USP3: variants seen among roughly 807,000 people sequenced by gnomAD.
USP3 encodes ubiquitin specific peptidase 3, also known as ubiquitin carboxyl-terminal hydrolase 3.
Under a neutral mutation model 72.3 loss-of-function variants are expected in USP3, and 20 were observed. That is an observed-to-expected ratio of 0.28 (90% confidence interval 0.19 to 0.40). The LOEUF (loss-of-function observed/expected upper bound fraction) is 0.40. Ranked by LOEUF, USP3 falls within the 10% of genes least tolerant of loss-of-function variation. The pLI is 1.00. For missense variants in USP3, 479 were observed against 633.9 expected, an observed-to-expected ratio of 0.76 and a Z score of 2.62; for synonymous variants, 222 against 225.3, an observed-to-expected ratio of 0.99 and a Z score of 0.13.
Position 63,581,642 on chromosome 15 carries a change from G to C in USP3, c.1097-6663G>C, listed in dbSNP as rs565978599. ...AAACTCCTGACCTCATGATCCACCT[G>C]CCTCGGCCTCCCAAAGTGCTGGGAT... is the stretch of plus-strand genomic sequence containing the variant. On this transcript the variant is annotated intron_variant, in intron 11 of 14. Coordinates refer to ENST00000380324, the MANE Select transcript of USP3 (RefSeq NM_006537.4). Among the ~76,000 whole-genome samples the C allele has an allele frequency of 4.3e-5, 6 of 141,072 alleles. No individual in the cohort carries two copies. The South Asian group carries it at 1.3e-3, about 32-fold the overall frequency. 92.5% of individuals were successfully genotyped at this position (141,072 alleles called of 152,430 possible). A position where few individuals can be genotyped will look rare whatever the true frequency, so the allele number is the denominator to read the frequency against.
rs537011068 is a variant in USP3 at position 63,517,390 on chromosome 15, G to A, written c.91+12560G>A. On this transcript the variant is annotated intron_variant, in intron 1 of 14. Coordinates refer to ENST00000380324, the MANE Select transcript of USP3 (RefSeq NM_006537.4). ...AGTATGTTGGTTTTGAAGTTTTGCTGTGCTCCCTGTATGGTTTCTATTTCT... is the reference window on the plus strand; with the variant it reads ...AGTATGTTGGTTTTGAAGTTTTGCTATGCTCCCTGTATGGTTTCTATTTCT... Among the ~76,000 whole-genome samples the A allele has an allele frequency of 3.3e-5, 5 of 152,200 alleles. No homozygotes were observed. The East Asian group carries it at 5.8e-4, about 18-fold the overall frequency.
chr15:63,512,320 CTCT>C (rs1292755784), intron 1 of USP3, among the ~76,000 whole-genome samples: 1 of 120,008 alleles, frequency 8.3e-6, no homozygotes. Flanking sequence ...CTTCTTCTTC[CTCT>C]TCTTCCTCTT....
At chr15:63,506,259 G>C (rs907274747) in intron 1 of USP3, among the ~76,000 whole-genome samples, 1 of 152,080 alleles carries the variant, frequency 6.6e-6, no homozygotes, top group Admixed American at 6.5e-5. Flanking sequence ...AACAAATAAG[G>C]TGTATGGCAC....
chr15:63,582,954 T>TCA (rs1487212091), intron 11 of USP3, among the ~76,000 whole-genome samples: 1 of 152,188 alleles, frequency 6.6e-6, no homozygotes, highest in African/African-American at 2.4e-5. Context: ...ATCTCAGTGC[T>TCA]CCTCAGGGTA....
intron 8 of USP3, among the ~76,000 whole-genome samples, chr15:63,567,565 C>G (rs1038149811): frequency 6.6e-6 from 1 of 152,070 alleles, no homozygotes; most frequent in Non-Finnish European, 1.5e-5. Context: ...CCAGGATGGT[C>G]TCGATCTCCT....
At chr15:63,524,899 G>A (rs1226659812) in intron 1 of USP3, among the ~76,000 whole-genome samples, 3 of 152,144 alleles carry the variant, frequency 2.0e-5, no homozygotes, top group African/African-American at 7.2e-5. Flanking sequence ...GCCCAGATTC[G>A]GAGAATGAGG....
chr15:63,571,033 G>A (rs74018125), intron 9 of USP3, among the ~76,000 whole-genome samples: 2,295 of 152,126 alleles, frequency 0.015, 57 homozygotes, highest in African/African-American at 0.053. Context: ...TAATGAAATC[G>A]AGGCATTTGT....
At chr15:63,543,754 C>T (rs953486175) in intron 3 of USP3, among the ~76,000 whole-genome samples, 13 of 152,098 alleles carry the variant, frequency 8.5e-5, no homozygotes, top group African/African-American at 3.1e-4. Context: ...GCTCATCAAA[C>T]ATATTACAGG....
chr15:63,532,324 A>G (rs2066088576), intron 1 of USP3, among the ~76,000 whole-genome samples: 1 of 152,252 alleles, frequency 6.6e-6, no homozygotes. Context: ...TAATAGGAAA[A>G]TAGACTGTCG....
chr15:63,576,276 C>T (rs920123871), intron 11 of USP3, among the ~76,000 whole-genome samples: 6 of 152,106 alleles, frequency 3.9e-5, no homozygotes, highest in African/African-American at 7.2e-5. Flanking sequence ...CATGAGCCAC[C>T]GCACCCAGCC....
At chr15:63,509,120 G>T (rs932004354) in intron 1 of USP3, among the ~76,000 whole-genome samples, 1 of 152,104 alleles carries the variant, frequency 6.6e-6, no homozygotes, top group Non-Finnish European at 1.5e-5. Flanking sequence ...GGAGTGATGG[G>T]TTATTTTGTA....
chr15:63,563,385 A>G (rs2152674510), intron 8 of USP3, among the ~76,000 whole-genome samples: 1 of 152,368 alleles, frequency 6.6e-6, no homozygotes, highest in South Asian at 2.1e-4. Context: ...TAAGATCAGT[A>G]GAAGTGCATG....
At chr15:63,566,457 T>A (rs113843054) in intron 8 of USP3, among the ~76,000 whole-genome samples, 3,455 of 152,036 alleles carry the variant, frequency 0.023, 128 homozygotes, top group African/African-American at 0.076. Context: ...GGACTACAGG[T>A]GCGTGCCACC....
intron 3 of USP3, among the ~76,000 whole-genome samples, chr15:63,539,111 C>CTT (rs549764225): frequency 6.9e-6 from 1 of 145,102 alleles, no homozygotes. Flanking sequence ...CTCAGGTTTT[C>CTT]TTTTTTTTTT....
chr15:63,508,392 C>T (rs2065740593), intron 1 of USP3, among the ~76,000 whole-genome samples: 1 of 152,078 alleles, frequency 6.6e-6, no homozygotes, highest in African/African-American at 2.4e-5. Context: ...TAGTCCTTTG[C>T]TGCCAAAAAA....
rs2067250894 is a variant in USP3 at position 63,594,090 on chromosome 15, C to T, written c.*3264C>T. The T allele has an allele frequency of 6.6e-6, 1 of 152,430 alleles. No homozygotes were observed. Among genetic ancestry groups the T allele is most frequent in the African/African-American group, 2.4e-5 (1 of 41,458 alleles). The allele number at this position is 152,430 out of a possible 1,614,324, so 9.4% of individuals were successfully genotyped here. ...ATGTGTATCTCGCCTGTGGAACCTACTCAGCAGCTTGGTTTCTGGGGTTGG... is the reference window on the plus strand; with the variant it reads ...ATGTGTATCTCGCCTGTGGAACCTATTCAGCAGCTTGGTTTCTGGGGTTGG... On this transcript the variant is annotated 3_prime_UTR_variant, in exon 15 of 15. Transcript: ENST00000380324.
At chr15:63,573,486 TC>T (rs1278919421) in intron 9 of USP3, among the ~76,000 whole-genome samples, 1 of 152,228 alleles carries the variant, frequency 6.6e-6, no homozygotes, top group African/African-American at 2.4e-5. Flanking sequence ...CGCAGTAATA[TC>T]CAGAATTTTC....
rs2067222567 is a variant in USP3 at position 63,592,473 on chromosome 15, G to GTCTT, written c.*1648_*1651dup. 1 of 144,738 alleles carries GTCTT rather than the reference G, an allele frequency of 6.9e-6. No homozygotes were observed. Among genetic ancestry groups the GTCTT allele is most frequent in the South Asian group, 2.2e-4 (1 of 4,580 alleles). 9.0% of individuals were successfully genotyped at this position (144,738 alleles called of 1,614,324 possible). ...ATTTTTTTTTTTTTTTTTTAATGGA[G>GTCTT]TCTTACTCTGTCCCTCAGGCTGGAG... is the stretch of plus-strand genomic sequence containing the variant. On this transcript the variant is annotated 3_prime_UTR_variant, in exon 15 of 15. Coordinates refer to ENST00000380324, the MANE Select transcript of USP3 (RefSeq NM_006537.4).
chr15:63,539,382 A>G (rs1309516034), intron 3 of USP3, among the ~76,000 whole-genome samples: 1 of 152,212 alleles, frequency 6.6e-6, no homozygotes, highest in Non-Finnish European at 1.5e-5. Flanking sequence ...GCTGTGTGCT[A>G]TAACAAGTTT....
Sources: allele counts gnomAD v4.1 joint callset (sites outside exome capture counted in the v4.1 genomes callset), GRCh38; gene constraint gnomAD v4.1.1; transcripts MANE v1.5; gene names NCBI Gene and HGNC (gene_info 2026-07-23, HGNC 2026-07-21).